The following FGF14 variants were observed in gnomAD, a reference collection of about 807,000 sequenced individuals.
FGF14 encodes the protein fibroblast growth factor homologous factor 4.
FGF14 carries 5 observed loss-of-function variants against 25.5 expected under a neutral mutation model. That is an observed-to-expected ratio of 0.20 (90% CI 0.10 to 0.41). FGF14 has a LOEUF of 0.41. Ranked by LOEUF, FGF14 falls within the 10% of genes least tolerant of loss-of-function variation. The pLI is 1.00. For synonymous variants in FGF14, 138 were observed against 118.3 expected (o/e 1.17, Z -1.08); for missense variants, 222 against 320.1 (o/e 0.69, Z 2.34).
chr13:102,127,511 T>C (rs1301899287), intron 1 of FGF14, among the ~76,000 whole-genome samples: 1 of 152,200 alleles, frequency 6.6e-6, no homozygotes, highest in African/African-American at 2.4e-5. Context: ...GTAAGAGTTA[T>C]CTATCATAAG....
intron 3 of FGF14, among the ~76,000 whole-genome samples, chr13:101,780,490 C>T (rs74121009): frequency 0.013 from 1,956 of 152,254 alleles, 40 homozygotes; most frequent in African/African-American, 0.045. Flanking sequence ...CAATCTACAA[C>T]TTAAAGTCTT....
At chr13:102,111,128 A>G (rs923965598) in intron 1 of FGF14, among the ~76,000 whole-genome samples, 3 of 152,006 alleles carry the variant, frequency 2.0e-5, no homozygotes, top group Non-Finnish European at 4.4e-5. Flanking sequence ...GGCCTTTCAC[A>G]GCCTCCTCCA....
At chr13:102,326,360 T>C (rs894509995) in intron 1 of FGF14, among the ~76,000 whole-genome samples, 1 of 152,152 alleles carries the variant, frequency 6.6e-6, no homozygotes, top group African/African-American at 2.4e-5. Context: ...TTATATAGCC[T>C]AAGTTCAATT....
intron 1 of FGF14, among the ~76,000 whole-genome samples, chr13:102,242,032 C>T (rs771332458): frequency 4.6e-5 from 7 of 152,046 alleles, no homozygotes; most frequent in East Asian, 1.9e-4. Context: ...AAGTTAAACC[C>T]CTGTTCCTTC....
rs78349331 is a variant in FGF14, at chr13:102,208,465, A to T, written c.208+193006T>A. ...GCAGATCACACACTCCTATCAGTTT[A>T]TCTTGTGAATATCATAAATACCATG... On this transcript the variant is annotated intron_variant, in intron 1 of 4. Coordinates refer to the FGF14 transcript ENST00000376131. Among the ~76,000 whole-genome samples, 1,316 of 152,306 alleles carry T rather than the reference A, an allele frequency of 8.6e-3. 16 individuals are homozygous for T. Among genetic ancestry groups the T allele is most frequent in the African/African-American group, 0.029 (1,218 of 41,540 alleles).
intron 3 of FGF14, among the ~76,000 whole-genome samples, chr13:101,811,235 C>T (rs1011088328): frequency 6.6e-6 from 1 of 152,174 alleles, no homozygotes; most frequent in Non-Finnish European, 1.5e-5. Context: ...AATATTTTCA[C>T]TGAAGTGAAA....
chr13:101,792,988 C>G (rs569592932), intron 3 of FGF14, among the ~76,000 whole-genome samples: 90 of 152,170 alleles, frequency 5.9e-4, no homozygotes, highest in Non-Finnish European at 9.3e-4. Flanking sequence ...TATCCATCAC[C>G]TCAAATATTT....
chr13:101,824,357 T>G (rs1214299700), intron 3 of FGF14, among the ~76,000 whole-genome samples: 1 of 152,194 alleles, frequency 6.6e-6, no homozygotes, highest in Non-Finnish European at 1.5e-5. Context: ...TTACCATTCT[T>G]GGGGTTCTCT....
At chr13:101,946,251 C>T (rs1239670275) in intron 1 of FGF14, among the ~76,000 whole-genome samples, 3 of 151,506 alleles carry the variant, frequency 2.0e-5, no homozygotes, top group Non-Finnish European at 2.9e-5. Flanking sequence ...AGGCAGTTTC[C>T]ACAGATCTGC....
chr13:102,125,787 A>G (rs2045925745), intron 1 of FGF14, among the ~76,000 whole-genome samples: 1 of 152,202 alleles, frequency 6.6e-6, no homozygotes, highest in African/African-American at 2.4e-5. Flanking sequence ...ATGGTGTAAA[A>G]CACACAACCA....
chr13:102,082,310 T>TA (rs150745934), intron 1 of FGF14, among the ~76,000 whole-genome samples: 6,452 of 151,258 alleles, frequency 0.043, 439 homozygotes, highest in African/African-American at 0.15. Context: ...CTTAGCATTA[T>TA]AAAAAAAACT....
intron 1 of FGF14, among the ~76,000 whole-genome samples, chr13:102,222,456 A>G (rs555834050): frequency 1.3e-5 from 2 of 152,324 alleles, no homozygotes; most frequent in African/African-American, 4.8e-5. Flanking sequence ...TCAAATTAAG[A>G]AACCTTGACC....
chr13:101,929,157 T>G (rs551938394), intron 1 of FGF14, among the ~76,000 whole-genome samples: 6 of 152,292 alleles, frequency 3.9e-5, no homozygotes, highest in African/African-American at 1.4e-4. Flanking sequence ...GGGGAAGATG[T>G]TGACATAGGC....
chr13:102,100,330 C>T lies in FGF14; in HGVS notation c.209-225034G>A, dbSNP rs1451168161. Reference sequence around the variant, plus strand: ...TGGAACCCTCCCTACAAGAGCATACCACAAGGAGAGAGCCATTTCCTTCCC... The same window carrying T: ...TGGAACCCTCCCTACAAGAGCATACTACAAGGAGAGAGCCATTTCCTTCCC... On this transcript the variant is annotated intron_variant, in intron 1 of 4. Coordinates refer to the FGF14 transcript ENST00000376131. Among the ~76,000 whole-genome samples the T allele has an allele frequency of 6.6e-5, 10 of 152,264 alleles. No homozygotes were observed. The East Asian group carries it at 1.9e-3, about 29-fold the overall frequency.
chr13:101,718,820 T>A lies in FGF14; in HGVS notation c.*4011A>T, dbSNP rs1204931177. ...ACTAAAATATAACTCAGCCTTAGTT[T>A]GCAGACTCAACTGTCAACACTTTGA... On this transcript the variant is annotated 3_prime_UTR_variant, in exon 5 of 5. Transcript: ENST00000376143. 1 of 152,014 alleles carries A rather than the reference T, an allele frequency of 6.6e-6. No homozygotes were observed. Among genetic ancestry groups the A allele is most frequent in the Non-Finnish European group, 1.5e-5 (1 of 68,000 alleles). The allele number at this position is 152,014 out of a possible 1,614,324, so 9.4% of individuals were successfully genotyped here.
At chr13:101,756,070 C>T (rs2037627842) in intron 3 of FGF14, among the ~76,000 whole-genome samples, 1 of 152,140 alleles carries the variant, frequency 6.6e-6, no homozygotes, top group Admixed American at 6.5e-5. Flanking sequence ...AGTACGAGAG[C>T]ACAGCAGGCT....
At chr13:101,833,957 C>A (rs2042800971) in intron 3 of FGF14, among the ~76,000 whole-genome samples, 1 of 152,062 alleles carries the variant, frequency 6.6e-6, no homozygotes, top group Non-Finnish European at 1.5e-5. Flanking sequence ...ACATTCTACA[C>A]AAACAAGATC....
intron 3 of FGF14, among the ~76,000 whole-genome samples, chr13:101,784,760 T>A (rs914064020): frequency 6.6e-6 from 1 of 152,202 alleles, no homozygotes; most frequent in African/African-American, 2.4e-5. Flanking sequence ...ATGAAACACC[T>A]GCTGTGTGTC....
chr13:101,788,897 TATATATATATATAG>T (rs1413643251), intron 3 of FGF14, among the ~76,000 whole-genome samples: 440 of 49,634 alleles, frequency 8.9e-3, no homozygotes, highest in Non-Finnish European at 0.014. Flanking sequence ...TATATATATA[TATATATATATATAG>T]AGAGAGAGAG....
Sources: allele counts gnomAD v4.1 joint callset (sites outside exome capture counted in the v4.1 genomes callset), GRCh38; gene constraint gnomAD v4.1.1; transcripts MANE v1.5; gene names NCBI Gene and HGNC (gene_info 2026-07-23, HGNC 2026-07-21).